Variants in NUCB2 observed in about 807,000 individuals in gnomAD.
The protein encoded by NUCB2 is nucleobindin 2.
Under a neutral mutation model 57.9 loss-of-function variants are expected in NUCB2, and 48 were observed. The ratio of observed to expected loss-of-function variants is 0.83; its 90% CI spans 0.66 to 1.05. The LOEUF is 1.05. Ranked by LOEUF, NUCB2 falls within the 50% of genes least tolerant of loss-of-function variation. NUCB2 has a pLI of 0.00. For synonymous variants in NUCB2, 139 were observed against 152.1 expected, an observed-to-expected ratio of 0.91 and a Z score of 0.64; for missense variants, 442 against 476.2, an observed-to-expected ratio of 0.93 and a Z score of 0.67.
At chr11:17,315,978 T>G (rs1254430542) in intron 11 of NUCB2, among the ~76,000 whole-genome samples, 1 of 152,122 alleles carries the variant, frequency 6.6e-6, no homozygotes, top group African/African-American at 2.4e-5. Flanking sequence ...TGTTTTTTGT[T>G]TTTTTGTTTT....
In NUCB2 at chr11:17,315,476, G is replaced by A; in HGVS notation, c.1002+1G>A. ...ATTCTTGGAGCCAGATAGCTGGGAG[G>A]TAATAGAACCTACTCTAAATGAGAT... On this transcript the variant is annotated splice_donor_variant, in intron 11 of 13. Coordinates refer to ENST00000529010, the MANE Select transcript of NUCB2 (RefSeq NM_005013.4). LOFTEE classifies it high-confidence loss of function. 1.3e-6 allele frequency: 2 copies of A among 1,586,364 alleles called. No homozygotes were observed. Among genetic ancestry groups the A allele is most frequent in the South Asian group, 1.1e-5 (1 of 90,020 alleles).
At chr11:17,284,813 T>C (rs1421266873) in intron 2 of NUCB2, among the ~76,000 whole-genome samples, 1 of 152,220 alleles carries the variant, frequency 6.6e-6, no homozygotes, top group Non-Finnish European at 1.5e-5. Context: ...AAAAGTATCA[T>C]GCTATGCATT....
chr11:17,290,131 G>A (rs1406392054), intron 2 of NUCB2, among the ~76,000 whole-genome samples: 2 of 152,182 alleles, frequency 1.3e-5, no homozygotes, highest in African/African-American at 4.8e-5. Context: ...TAAAGCACTA[G>A]TTGTTCCTTT....
chr11:17,294,752 A>G (rs930583259), intron 2 of NUCB2, among the ~76,000 whole-genome samples: 7 of 151,414 alleles, frequency 4.6e-5, no homozygotes, highest in Non-Finnish European at 1.0e-4. Context: ...TTCTTATACT[A>G]TAAAAACAAT....
intron 6 of NUCB2, 79 bp from the exon 7 acceptor site, chr11:17,310,746 T>C (rs1032093810): frequency 9.1e-7 from 1 of 1,095,788 alleles, no homozygotes; most frequent in Non-Finnish European, 1.3e-6. Context: ...TTCAAGAGTA[T>C]GCTATATTCA....
Position 17,282,258 on chromosome 11 carries a change from A to ATTTT in NUCB2, c.-155-519_-155-516dup, listed in dbSNP as rs71047540. On this transcript the variant is annotated intron_variant, in intron 1 of 13. Transcript: ENST00000529010. Reference sequence around the variant, plus strand: ...TATCTATATATATATATATATATATATTTTTTTTTTTTTTTCCCAAGACAG... The same window carrying ATTTT: ...TATCTATATATATATATATATATATATTTTTTTTTTTTTTTTTTTCCCAAGACAG... Among the ~76,000 whole-genome samples the ATTTT allele has an allele frequency of 4.5e-4, 47 of 103,468 alleles. 1 individual carries two copies. Among genetic ancestry groups the ATTTT allele is most frequent in the South Asian group, 3.7e-3 (11 of 2,984 alleles). The allele number at this position is 103,468 out of a possible 152,430, so 67.9% of individuals were successfully genotyped here. A position where few individuals can be genotyped will look rare whatever the true frequency, so the allele number is the denominator to read the frequency against.
chr11:17,322,337 A>G (rs1424613993), intron 11 of NUCB2, among the ~76,000 whole-genome samples: 2 of 152,138 alleles, frequency 1.3e-5, no homozygotes, highest in Non-Finnish European at 2.9e-5. Context: ...AGCACCATTT[A>G]TTGAAGAGAT....
downstream of NUCB2, among the ~76,000 whole-genome samples, chr11:17,334,877 C>T (rs1951678757): frequency 7.3e-6 from 1 of 136,948 alleles, no homozygotes; most frequent in Non-Finnish European, 1.6e-5. Flanking sequence ...CAGAGCAAGG[C>T]TCTATCTCAA....
Position 17,315,375 on chromosome 11 carries a change from G to A in NUCB2, c.913-11G>A. The A allele has an allele frequency of 1.3e-6, 2 of 1,501,590 alleles. No homozygotes were observed. Among genetic ancestry groups the A allele is most frequent in the Non-Finnish European group, 1.8e-6 (2 of 1,088,026 alleles). 93.0% of individuals were successfully genotyped at this position (1,501,590 alleles called of 1,614,324 possible). A position where few individuals can be genotyped will look rare whatever the true frequency, so the allele number is the denominator to read the frequency against. ...TTACTTTATATTATGTATACATTTT[G>A]TTTTAATCAGGTTGATACTAACAAA... is the stretch of plus-strand genomic sequence containing the variant. On this transcript the variant is annotated splice_polypyrimidine_tract_variant and intron_variant, in intron 10 of 13. Coordinates refer to ENST00000529010, the MANE Select transcript of NUCB2 (RefSeq NM_005013.4).
intron 2 of NUCB2, among the ~76,000 whole-genome samples, chr11:17,289,328 G>T (rs1232694259): frequency 6.6e-6 from 1 of 152,084 alleles, no homozygotes; most frequent in African/African-American, 2.4e-5. Context: ...TACAAGCTTG[G>T]TGCTGGTGCT....
intron 2 of NUCB2, among the ~76,000 whole-genome samples, chr11:17,287,266 A>C (rs1475796370): frequency 6.6e-6 from 1 of 152,094 alleles, no homozygotes; most frequent in Non-Finnish European, 1.5e-5. Flanking sequence ...CAGGAAATCA[A>C]ATTTGCAGTG....
intron 10 of NUCB2, 27 bp downstream of exon 10, chr11:17,312,147 T>C (rs760475421): frequency 1.9e-5 from 20 of 1,066,540 alleles, no homozygotes; most frequent in Non-Finnish European, 2.7e-5. Flanking sequence ...TAAGATAATA[T>C]GTTATTTCTA....
intron 5 of NUCB2, among the ~76,000 whole-genome samples, chr11:17,304,883 C>G (rs540163527): frequency 6.6e-6 from 1 of 152,156 alleles, no homozygotes; most frequent in African/African-American, 2.4e-5. Flanking sequence ...TGGGAAGACA[C>G]AATAACTTTT....
At chr11:17,345,579 C>T (rs1288895939) in intron 2 of NUCB2, among the ~76,000 whole-genome samples, 3 of 151,900 alleles carry the variant, frequency 2.0e-5, no homozygotes, top group Admixed American at 6.6e-5. Context: ...TGGTGGTGGG[C>T]GCCTGTAATC....
intron 2 of NUCB2, among the ~76,000 whole-genome samples, chr11:17,342,760 G>T (rs1952381370): frequency 6.7e-6 from 1 of 148,842 alleles, no homozygotes. Context: ...GAATAGGTGT[G>T]GTGTGGTGCT....
At chr11:17,302,097 G>A (rs897540214) in intron 5 of NUCB2, among the ~76,000 whole-genome samples, 1 of 151,952 alleles carries the variant, frequency 6.6e-6, no homozygotes, top group African/African-American at 2.4e-5. Context: ...GGGTTTTGCT[G>A]TGTTGCCCAA....
chr11:17,304,662 A>G (rs1203523104), intron 5 of NUCB2, among the ~76,000 whole-genome samples: 1 of 152,242 alleles, frequency 6.6e-6, no homozygotes, highest in African/African-American at 2.4e-5. Flanking sequence ...GAGCCCCTCA[A>G]TAGGAAAATT....
intron 3 of NUCB2, 150 bp downstream of exon 3, chr11:17,295,617 A>G (rs1410229330): frequency 3.1e-6 from 2 of 653,038 alleles, no homozygotes; most frequent in East Asian, 5.7e-5. Context: ...TACTTATAAA[A>G]TTGTACACTT....
At chr11:17,348,965 A>C (rs1194542249) in intron 2 of NUCB2, among the ~76,000 whole-genome samples, 32 of 151,952 alleles carry the variant, frequency 2.1e-4, no homozygotes, top group Admixed American at 2.1e-3. Flanking sequence ...TTTTTAGTAG[A>C]GACAGGGTTT....
Sources: gnomAD v4.1 joint callset for allele counts (sites outside exome capture counted in the v4.1 genomes callset) on GRCh38, gnomAD v4.1.1 for gene constraint, MANE v1.5 for transcripts, NCBI Gene and HGNC (gene_info 2026-07-23, HGNC 2026-07-21) for gene names.